The following RAI14 variants were observed in gnomAD, a reference collection of about 807,000 sequenced individuals.
The protein encoded by RAI14 is ankycorbin.
In RAI14, 45 loss-of-function variants were observed where a neutral mutation model predicts 115.4. That is an observed-to-expected ratio of 0.39 (90% CI 0.31 to 0.50). RAI14 has a LOEUF of 0.50. RAI14 is among the 20% of genes least tolerant of loss of function. The pLI, the probability that RAI14 is intolerant of heterozygous loss-of-function variation, is 0.85. For synonymous variants in RAI14, 371 were observed against 415.4 expected, an observed-to-expected ratio of 0.89 and a Z score of 1.30; for missense variants, 939 against 1,131.2, an observed-to-expected ratio of 0.83 and a Z score of 2.44.
Position 34,826,499 on chromosome 5 carries a change from C to A in RAI14, c.2799+20C>A. ...CTGGCGGTGAGTGGGCTTGTTTCTG[C>A]TGCCTGGTTTGGGGTGGAGGGCCTG... On this transcript the variant is annotated intron_variant, in intron 16 of 17. Coordinates refer to ENST00000265109, the MANE Select transcript of RAI14 (RefSeq NM_015577.3). 1 of 1,609,724 alleles carries A rather than the reference C, an allele frequency of 6.2e-7. No homozygotes were observed. The highest frequency in any genetic ancestry group is 8.5e-7 in the Non-Finnish European group (1 of 1,177,412).
intron 5 of RAI14, among the ~76,000 whole-genome samples, chr5:34,804,783 C>T (rs1392170812): frequency 2.0e-5 from 3 of 152,178 alleles, no homozygotes; most frequent in African/African-American, 7.2e-5. Context: ...TAGAACTTTT[C>T]TTACCTGCCT....
chr5:34,783,596 A>T (rs1022872115), intron 3 of RAI14, among the ~76,000 whole-genome samples: 1 of 152,176 alleles, frequency 6.6e-6, no homozygotes, highest in Non-Finnish European at 1.5e-5. Context: ...TGCTGACAGC[A>T]TCTGGCCTTT....
intron 3 of RAI14, among the ~76,000 whole-genome samples, chr5:34,781,564 C>G (rs1211659333): frequency 3.9e-5 from 6 of 152,126 alleles, no homozygotes; most frequent in African/African-American, 1.4e-4. Context: ...AATTCAAATT[C>G]TCATCTCTTA....
At position 34,807,803 on chromosome 5, in the gene RAI14, A is replaced by G; in HGVS notation, c.325A>G (p.Lys109Glu). 2 of 1,607,970 alleles carry G rather than the reference A, an allele frequency of 1.2e-6. No homozygotes were observed. The highest frequency in any genetic ancestry group is 1.7e-6 in the Non-Finnish European group (2 of 1,174,394). ...TGTATTTATTTTTGTCTTATAGTCT[A>G]AATGCCCAGCCGAAAGTGTCGACAG... ...HECIRKLLQS[K>E]CPAESVDSSG... Residue 109 changes from lysine (K) to glutamate (E), a missense_variant, in exon 6 of 18, where the codon AAA becomes GAA. By Grantham distance (56) the Lys-to-Glu change is moderately conservative. Coordinates refer to ENST00000265109, the MANE Select transcript of RAI14 (RefSeq NM_015577.3).
intron 1 of RAI14, among the ~76,000 whole-genome samples, chr5:34,684,055 G>A (rs191154047): frequency 1.1e-4 from 17 of 152,270 alleles, no homozygotes; most frequent in Non-Finnish European, 2.2e-4. Flanking sequence ...GCAACAGTTG[G>A]CGTAGAAACC....
chr5:34,764,537 TTCTCTCTCTCTCTC>T lies in RAI14; in HGVS notation c.167+6960_167+6973del, dbSNP rs146616019. Among the ~76,000 whole-genome samples the T allele has an allele frequency of 5.6e-5, 4 of 71,756 alleles. No homozygotes were observed. The East Asian group carries it at 1.6e-3, about 28-fold the overall frequency. The allele number at this position is 71,756 out of a possible 152,430, so 47.1% of individuals were successfully genotyped here. On this transcript the variant is annotated intron_variant, in intron 3 of 17. Transcript: ENST00000265109. ...AAGGCCCAGGAAGCACAGGTGAATT[TTCTCTCTCTCTCTC>T]TCTCTCTCTCTCTCTCTCTCACACA...
At chr5:34,822,250 G>GTGTATATATATA (rs1554012472) in intron 14 of RAI14, among the ~76,000 whole-genome samples, 14 of 134,740 alleles carry the variant, frequency 1.0e-4, no homozygotes, top group African/African-American at 1.7e-4. Context: ...ATGTGTGTAT[G>GTGTATATATATA]TATATATATA....
chr5:34,692,797 A>C (rs2149901374), intron 2 of RAI14, among the ~76,000 whole-genome samples: 1 of 152,162 alleles, frequency 6.6e-6, no homozygotes, highest in African/African-American at 2.4e-5. Context: ...GCCTGGTATT[A>C]GTTTGCTAGG....
chr5:34,818,794 T>C lies in RAI14; in HGVS notation c.940-3T>C. ...TCTTTAAGTCATTTTTGTGTTTCAA[T>C]AGGCTGAGATCAGTTCTATACGAGA... is the stretch of plus-strand genomic sequence containing the variant. On this transcript the variant is annotated splice_region_variant and splice_polypyrimidine_tract_variant and intron_variant, in intron 12 of 17. Coordinates refer to ENST00000265109, the MANE Select transcript of RAI14 (RefSeq NM_015577.3). The C allele has an allele frequency of 6.2e-7, 1 of 1,606,932 alleles. No homozygotes were observed. Among genetic ancestry groups the C allele is most frequent in the South Asian group, 1.1e-5 (1 of 89,606 alleles).
intron 2 of RAI14, among the ~76,000 whole-genome samples, chr5:34,735,018 G>A (rs1007656897): frequency 1.3e-5 from 2 of 152,184 alleles, no homozygotes; most frequent in Non-Finnish European, 2.9e-5. Context: ...AAAGATGCTA[G>A]AGGTGGAGCT....
At chr5:34,749,001 G>A (rs1475666130) in intron 2 of RAI14, among the ~76,000 whole-genome samples, 1 of 152,092 alleles carries the variant, frequency 6.6e-6, no homozygotes, top group Non-Finnish European at 1.5e-5. Context: ...TAGTCAACTG[G>A]GGAAAATATT....
chr5:34,659,171 G>T (rs946391481), intron 1 of RAI14: 8 of 152,194 alleles, frequency 5.3e-5, no homozygotes, highest in African/African-American at 1.7e-4. Context: ...TGTGTTAATA[G>T]ATCTTTATTC....
rs535755523 is a variant in RAI14, at chr5:34,727,962, G to A, written c.37-29506G>A. On this transcript the variant is annotated intron_variant, in intron 2 of 17. Transcript: ENST00000265109. ...ACTGTCCTACAGAGCCCAGAATGGT[G>A]GATCCACTGACAGCTTGCACCGTGC... Among the ~76,000 whole-genome samples the A allele has an allele frequency of 5.9e-5, 9 of 152,288 alleles. No individual in the cohort carries two copies. The East Asian group carries it at 1.7e-3, about 30-fold the overall frequency.
intron 3 of RAI14, among the ~76,000 whole-genome samples, chr5:34,766,218 G>T (rs1467644316): frequency 6.6e-6 from 1 of 152,148 alleles, no homozygotes; most frequent in East Asian, 1.9e-4. Flanking sequence ...CCAGCTAGTG[G>T]AGCTGTGAGA....
At chr5:34,746,173 C>T (rs1746195330) in intron 2 of RAI14, among the ~76,000 whole-genome samples, 1 of 146,768 alleles carries the variant, frequency 6.8e-6, no homozygotes, top group East Asian at 2.1e-4. Context: ...CTGCGCGATC[C>T]TGGCTCACTG....
rs1264657658 is a variant in RAI14 at position 34,818,846 on chromosome 5, C to T, written c.989C>T (p.Thr330Ile). 1 of 1,605,570 alleles carries T rather than the reference C, an allele frequency of 6.2e-7. No homozygotes were observed. Among genetic ancestry groups the T allele is most frequent in the Non-Finnish European group, 8.5e-7 (1 of 1,175,930 alleles). Residue 330 changes from threonine (T) to isoleucine (I), a missense_variant, in exon 13 of 18, where the codon ACT becomes ATT. Physicochemically the swap from Thr to Ile is moderately conservative, Grantham distance 89 (BLOSUM62 -1). Coordinates refer to ENST00000265109, the MANE Select transcript of RAI14 (RefSeq NM_015577.3). The stretch of plus-strand genomic sequence containing the variant: ...AACAAAGACAGACTAAGTGACAGTA[C>T]TACAGGTAAGACAAGGAAGCATCTG... ...RENKDRLSDS[T>I]TGADSLLDIS...
intron 11 of RAI14, 122 bp from the exon 12 acceptor site, chr5:34,814,461 G>A (rs1398083306): frequency 2.9e-6 from 2 of 680,984 alleles, no homozygotes; most frequent in African/African-American, 3.6e-5. Context: ...ATTAATTGAT[G>A]CCAAGGATAC....
chr5:34,688,427 C>A, intron 2 of RAI14: 2 of 513,992 alleles, frequency 3.9e-6, no homozygotes, highest in South Asian at 4.2e-5. Flanking sequence ...TGAACAGGGG[C>A]CCAGAGGAAT....
intron 1 of RAI14, among the ~76,000 whole-genome samples, chr5:34,671,854 G>A (rs890223946): frequency 9.9e-4 from 150 of 151,734 alleles, no homozygotes; most frequent in African/African-American, 3.4e-3. Context: ...CTATAGTATT[G>A]GACAGTACTG....
Sources: allele counts gnomAD v4.1 joint callset (sites outside exome capture counted in the v4.1 genomes callset), GRCh38; gene constraint gnomAD v4.1.1; transcripts MANE v1.5; gene names NCBI Gene and HGNC (gene_info 2026-07-23, HGNC 2026-07-21).